Variants in GRAMD1B observed in about 807,000 individuals in gnomAD.
GRAMD1B encodes protein Aster-B.
In GRAMD1B, 37 loss-of-function variants were observed where a neutral mutation model predicts 99.7. The ratio of observed to expected loss-of-function variants is 0.37; its 90% confidence interval spans 0.29 to 0.49. The LOEUF (loss-of-function observed/expected upper bound fraction) is 0.49, where lower values mean the gene tolerates loss of function less well. Ranked by LOEUF, GRAMD1B falls within the 20% of genes least tolerant of loss-of-function variation. The probability of loss-of-function intolerance (pLI) is 0.98; values close to 1 mark genes in which losing one functional copy is unlikely to be tolerated. For synonymous variants in GRAMD1B, 427 were observed against 387.6 expected, an observed-to-expected ratio of 1.10 and a Z score of -1.19; for missense variants, 888 against 1,009.2, an observed-to-expected ratio of 0.88 and a Z score of 1.63.
chr11:123,454,702 G>A (rs1347467336), intron 1 of GRAMD1B: 6 of 152,230 alleles, frequency 3.9e-5, no homozygotes, highest in Non-Finnish European at 1.5e-5. Flanking sequence ...GAGGGCAGCA[G>A]TGTCTTCCAA....
chr11:123,569,860 G>C (rs1565388212), intron 2 of GRAMD1B, among the ~76,000 whole-genome samples: 1 of 152,262 alleles, frequency 6.6e-6, no homozygotes, highest in Non-Finnish European at 1.5e-5. Flanking sequence ...CAGAGGAGGT[G>C]CTTGTGATAT....
intron 3 of GRAMD1B, among the ~76,000 whole-genome samples, chr11:123,579,994 G>A (rs1949168882): frequency 6.6e-6 from 1 of 152,186 alleles, no homozygotes; most frequent in African/African-American, 2.4e-5. Context: ...GGGAGATTGG[G>A]TGGACGCCAT....
chr11:123,512,571 GC>G (rs1941137672), intron 2 of GRAMD1B, among the ~76,000 whole-genome samples: 1 of 152,084 alleles, frequency 6.6e-6, no homozygotes, highest in Non-Finnish European at 1.5e-5. Flanking sequence ...TGAAAAATTA[GC>G]CAGGGGTGGT....
intron 1 of GRAMD1B, among the ~76,000 whole-genome samples, chr11:123,478,785 G>A (rs1300897464): frequency 6.6e-6 from 1 of 152,164 alleles, no homozygotes; most frequent in Non-Finnish European, 1.5e-5. Context: ...CTGCAATGCT[G>A]ATTGTGGTTG....
intron 2 of GRAMD1B, among the ~76,000 whole-genome samples, chr11:123,571,059 G>A (rs1283804204): frequency 6.6e-6 from 1 of 152,220 alleles, no homozygotes; most frequent in Non-Finnish European, 1.5e-5. Flanking sequence ...AGCAGCTGCA[G>A]TCCAAGCAGG....
chr11:123,371,591 A>G (rs1157710266), intron 1 of GRAMD1B, among the ~76,000 whole-genome samples: 1 of 152,118 alleles, frequency 6.6e-6, no homozygotes, highest in African/African-American at 2.4e-5. Flanking sequence ...AATTAATATC[A>G]TGGTTTGCAT....
At chr11:123,463,733 G>A (rs1480913914) in intron 1 of GRAMD1B, among the ~76,000 whole-genome samples, 1 of 152,196 alleles carries the variant, frequency 6.6e-6, no homozygotes, top group Non-Finnish European at 1.5e-5. Context: ...GCGCCCAATA[G>A]GCCAGGGTGG....
intron 2 of GRAMD1B, among the ~76,000 whole-genome samples, chr11:123,550,581 G>A (rs1341925886): frequency 6.6e-6 from 1 of 152,180 alleles, no homozygotes; most frequent in East Asian, 1.9e-4. Flanking sequence ...GAAGGTGGAG[G>A]GGATGTTCAT....
In GRAMD1B at chr11:123,513,724, A is replaced by C. The variant is rs1188377404; in HGVS notation, c.452+32831A>C. Among the ~76,000 whole-genome samples the C allele has an allele frequency of 2.7e-5, 4 of 150,376 alleles. No homozygotes were observed. The South Asian group carries it at 8.4e-4, about 32-fold the overall frequency. ...TAGACTGGAGTGCAGTGGTGCGATC[A>C]TGGCTCACTGCAACCTCAACTTTTT... On this transcript the variant is annotated intron_variant, in intron 2 of 19. Coordinates refer to ENST00000635736, the MANE Select transcript of GRAMD1B (RefSeq NM_001387025.1).
At chr11:123,451,977 G>A (rs559223646) in intron 1 of GRAMD1B, among the ~76,000 whole-genome samples, 3 of 152,174 alleles carry the variant, frequency 2.0e-5, no homozygotes, top group African/African-American at 7.2e-5. Flanking sequence ...GGGACCACAG[G>A]CACGTGCCAC....
At chr11:123,562,979 C>T (rs1946940986) in intron 2 of GRAMD1B, among the ~76,000 whole-genome samples, 2 of 152,338 alleles carry the variant, frequency 1.3e-5, no homozygotes, top group Middle Eastern at 6.8e-3. Context: ...GCTCAGGCCA[C>T]TTCTCTGCAG....
intron 2 of GRAMD1B, among the ~76,000 whole-genome samples, chr11:123,537,757 T>C (rs1944113342): frequency 6.6e-6 from 1 of 152,238 alleles, no homozygotes; most frequent in South Asian, 2.1e-4. Flanking sequence ...GATTGAGCTT[T>C]CCTTGTATAA....
At chr11:123,455,815 C>A (rs1485146487) in intron 1 of GRAMD1B, among the ~76,000 whole-genome samples, 1 of 152,128 alleles carries the variant, frequency 6.6e-6, no homozygotes, top group Non-Finnish European at 1.5e-5. Context: ...GAGCAGGGAC[C>A]TTTGCCCCAT....
At chr11:123,558,046 C>G (rs1276790208) in intron 2 of GRAMD1B, among the ~76,000 whole-genome samples, 1 of 141,010 alleles carries the variant, frequency 7.1e-6, no homozygotes, top group Non-Finnish European at 1.5e-5. Context: ...TGCAGTGGTG[C>G]GATCATGGCT....
At chr11:123,606,490 G>T in intron 10 of GRAMD1B, 119 bp from the exon 11 acceptor site, 2 of 862,838 alleles carry the variant, frequency 2.3e-6, no homozygotes, top group Non-Finnish European at 3.5e-6. Flanking sequence ...CTCTGACTTC[G>T]CTCCTGAGCA....
chr11:123,392,717 A>G (rs1350064914), intron 1 of GRAMD1B, among the ~76,000 whole-genome samples: 3 of 152,188 alleles, frequency 2.0e-5, no homozygotes, highest in South Asian at 4.1e-4. Context: ...TATGAATCCA[A>G]TAAAAGAAAG....
rs143437169 is a variant in GRAMD1B, at chr11:123,538,070, G to A, written c.453-39297G>A. Among the ~76,000 whole-genome samples, 305 of 152,268 alleles carry A rather than the reference G, an allele frequency of 2.0e-3. 1 individual carries two copies. The highest frequency in any genetic ancestry group is 7.0e-3 in the African/African-American group (292 of 41,552). ...TGCCAGGAAAAGGAATATGAACTAC[G>A]AATGAGCACCTGTCTCCCTCTTTCT... is the stretch of plus-strand genomic sequence containing the variant. On this transcript the variant is annotated intron_variant, in intron 2 of 19. Coordinates refer to ENST00000635736, the MANE Select transcript of GRAMD1B (RefSeq NM_001387025.1).
chr11:123,478,744 G>A (rs1221367056), intron 1 of GRAMD1B, among the ~76,000 whole-genome samples: 2 of 152,186 alleles, frequency 1.3e-5, no homozygotes, highest in Non-Finnish European at 2.9e-5. Context: ...CTGGCTCAGC[G>A]GGGTCAAGTT....
chr11:123,495,034 T>A (rs1028866960), intron 2 of GRAMD1B, among the ~76,000 whole-genome samples: 2 of 152,070 alleles, frequency 1.3e-5, no homozygotes, highest in African/African-American at 4.8e-5. Flanking sequence ...GAAGTCATTG[T>A]ACCAGAAGTT....
Sources: gnomAD v4.1 joint callset for allele counts (sites outside exome capture counted in the v4.1 genomes callset) on GRCh38, gnomAD v4.1.1 for gene constraint, MANE v1.5 for transcripts, NCBI Gene and HGNC (gene_info 2026-07-23, HGNC 2026-07-21) for gene names.